Variants in NAGS observed in about 807,000 individuals in gnomAD.
NAGS encodes N-acetylglutamate synthase, mitochondrial.
In NAGS, 34 loss-of-function variants were observed where a neutral mutation model predicts 46.9. The observed-to-expected ratio is 0.72, with a 90% CI of 0.55 to 0.97. The LOEUF (loss-of-function observed/expected upper bound fraction) is 0.97, where lower values mean the gene tolerates loss of function less well. Among genes scored for constraint, NAGS ranks in the 50% least tolerant of loss-of-function variants. The pLI, the probability that NAGS is intolerant of heterozygous loss-of-function variation, is 0.00. For missense variants in NAGS, 665 were observed against 747.0 expected (o/e 0.89, Z 1.28); for synonymous variants, 334 against 346.3 (o/e 0.96, Z 0.39).
At position 44,007,121 on chromosome 17, in the gene NAGS, C is replaced by CT; in HGVS notation, c.1097-200dup. On this transcript the variant is annotated intron_variant, in intron 4 of 6. Transcript: ENST00000293404. This position sits in a 1 kb window ranked among gnomAD's most constrained non-coding sequence, Gnocchi z 5.1. ...GTGGGGCTCCAGGCGACAGGAGGAA[C>CT]TTGGGGCACAATCTCTGCCTGGGGA... 1 of 620,434 alleles carries CT rather than the reference C, an allele frequency of 1.6e-6. No homozygotes were observed. The highest frequency in any genetic ancestry group is 2.8e-6 in the Non-Finnish European group (1 of 357,556). The allele number at this position is 620,434 out of a possible 1,614,324, so 38.4% of individuals were successfully genotyped here.
rs774481281 is a variant in NAGS at position 44,005,591 on chromosome 17, C to T, written c.427-46C>T. 1.9e-6 allele frequency: 3 copies of T among 1,592,842 alleles called. No homozygotes were observed. The highest frequency in any genetic ancestry group is 1.1e-5 in the South Asian group (1 of 87,822). On this transcript the variant is annotated intron_variant, in intron 1 of 6. Transcript: ENST00000293404. The surrounding 1 kb of genome is among the most constrained non-coding windows in gnomAD (Gnocchi z 7.2). ...CTGCAGGCCAGGCTGTGGGAGCCAG[C>T]GGCTCAGGTCCGTGTCACGCTCCTT...
Position 44,008,796 on chromosome 17 carries a change from G to A in NAGS, c.*195G>A. On this transcript the variant is annotated 3_prime_UTR_variant, in exon 7 of 7. Transcript: ENST00000293404. ...ACAAGCACAGGAAAGAAGGGGACCA[G>A]TCTAGGACCCCAACTCGACTCACTC... The A allele has an allele frequency of 1.4e-6, 1 of 706,188 alleles. No homozygotes were observed. The highest frequency in any genetic ancestry group is 2.4e-6 in the Non-Finnish European group (1 of 415,804). 43.7% of individuals were successfully genotyped at this position (706,188 alleles called of 1,614,324 possible).
At position 44,005,561 on chromosome 17, in the gene NAGS, C is replaced by A. The variant is rs2049074536; in HGVS notation, c.427-76C>A. The A allele has an allele frequency of 1.3e-6, 2 of 1,551,428 alleles. No homozygotes were observed. The highest frequency in any genetic ancestry group is 2.7e-5 in the African/African-American group (2 of 73,482). On this transcript the variant is annotated intron_variant, in intron 1 of 6. Transcript: ENST00000293404. This position sits in a 1 kb window ranked among gnomAD's most constrained non-coding sequence, Gnocchi z 7.2. The stretch of plus-strand genomic sequence containing the variant: ...TTCTGGAAGGGTAGGGTCACCGAGA[C>A]GGCCCTGCAGGCCAGGCTGTGGGAG...
In NAGS at chr17:44,006,737, G is replaced by A; in HGVS notation, c.1096+28G>A. 4 of 1,575,640 alleles carry A rather than the reference G, an allele frequency of 2.5e-6. No individual in the cohort carries two copies. Among genetic ancestry groups the A allele is most frequent in the Non-Finnish European group, 3.5e-6 (4 of 1,157,948 alleles). On this transcript the variant is annotated intron_variant, in intron 4 of 6. Transcript: ENST00000293404. The surrounding 1 kb of genome is among the most constrained non-coding windows in gnomAD (Gnocchi z 4.8). ...GAGGGCGGTGGGCGGGCCGGGGACT[G>A]GGTCCCGGGAGTGAGTACTGGCCGG... is the stretch of plus-strand genomic sequence containing the variant.
At position 44,004,639 on chromosome 17, in the gene NAGS, T is replaced by TG. The variant is rs749394724; in HGVS notation, c.-19dup. The TG allele has an allele frequency of 3.3e-6, 5 of 1,503,032 alleles. No individual in the cohort carries two copies. The highest frequency in any genetic ancestry group is 1.3e-5 in the South Asian group (1 of 74,124). The allele number at this position is 1,503,032 out of a possible 1,614,324, so 93.1% of individuals were successfully genotyped here. Reference sequence around the variant, plus strand: ...GACGCTCCAGACAGACTGCCACTCTTGGGGGGCAAGAGTTGGTTGTCGTCA... The same window carrying TG: ...GACGCTCCAGACAGACTGCCACTCTTGGGGGGGCAAGAGTTGGTTGTCGTCA... On this transcript the variant is annotated 5_prime_UTR_variant, in exon 1 of 7. Coordinates refer to ENST00000293404, the MANE Select transcript of NAGS (RefSeq NM_153006.3).
chr17:44,006,214 G>A lies in NAGS; in HGVS notation c.892G>A (p.Gly298Ser), dbSNP rs1194907375. 6.2e-7 allele frequency: 1 copy of A among 1,613,270 alleles called. No homozygotes were observed. Residue 298 changes from glycine (G) to serine (S), a missense_variant, in exon 3 of 7, where the codon GGC (glycine) becomes AGC (serine). Transcript: ENST00000293404. The surrounding 1 kb of genome is among the most constrained non-coding windows in gnomAD (Gnocchi z 4.8). ...AATCATCTTCCTCAATAACACAGGC[G>A]GCCTGCGCGACAGCAGTCATAAGGT... ...TKIIFLNNTGGLRDSSHKVLS... is the reference protein window; with the variant it reads ...TKIIFLNNTGSLRDSSHKVLS...
chr17:44,005,013 C>T lies in NAGS; in HGVS notation c.350C>T (p.Pro117Leu), dbSNP rs767257841. The T allele has an allele frequency of 3.9e-5, 61 of 1,559,768 alleles. No individual in the cohort carries two copies. The highest frequency in any genetic ancestry group is 5.2e-5 in the Non-Finnish European group (60 of 1,158,522). Reference protein sequence around the residue: ...QAFLNQCGASPGEARHWLTQF... With the variant: ...QAFLNQCGASLGEARHWLTQF... ...TTCCTGAACCAGTGCGGGGCCAGCCCTGGGGAGGCGCGCCACTGGCTCACG... is the reference window on the plus strand; with the variant it reads ...TTCCTGAACCAGTGCGGGGCCAGCCTTGGGGAGGCGCGCCACTGGCTCACG... The change falls in exon 1 of 7, where the codon CCT becomes CTT. Residue 117 changes from proline to leucine, a missense_variant. By Grantham distance (98) the Pro-to-Leu change is moderately conservative (BLOSUM62 -3). Coordinates refer to ENST00000293404, the MANE Select transcript of NAGS (RefSeq NM_153006.3). The surrounding 1 kb of genome is among the most constrained non-coding windows in gnomAD (Gnocchi z 7.2).
At position 44,005,412 on chromosome 17, in the gene NAGS, G is replaced by A. The variant is rs1042982123; in HGVS notation, c.427-225G>A. 1.3e-5 allele frequency among the ~76,000 whole-genome samples: 2 copies of A among 152,194 alleles called. No homozygotes were observed. The highest frequency in any genetic ancestry group is 4.8e-5 in the African/African-American group (2 of 41,444). ...ACTGCCCCTCCCCCAAAGATGTCCC[G>A]GAGTCCAAGGTCGGAGGGAGGAGGG... On this transcript the variant is annotated intron_variant, in intron 1 of 6. Coordinates refer to ENST00000293404, the MANE Select transcript of NAGS (RefSeq NM_153006.3). The surrounding 1 kb of genome is among the most constrained non-coding windows in gnomAD (Gnocchi z 7.2).
In NAGS at chr17:44,006,993, A is replaced by C; in HGVS notation, c.1096+284A>C. On this transcript the variant is annotated intron_variant, in intron 4 of 6. Transcript: ENST00000293404. The surrounding 1 kb of genome is among the most constrained non-coding windows in gnomAD (Gnocchi z 4.8). ...GGGCGGGGCCAGGGGCGGGACCATAAGGGAGGTGTTCGACCGGGAGAGATG... is the reference window on the plus strand; with the variant it reads ...GGGCGGGGCCAGGGGCGGGACCATACGGGAGGTGTTCGACCGGGAGAGATG... 3 of 388,272 alleles carry C rather than the reference A, an allele frequency of 7.7e-6. No homozygotes were observed. The highest frequency in any genetic ancestry group is 4.4e-5 in the Admixed American group (1 of 22,756). The allele number at this position is 388,272 out of a possible 1,614,324, so 24.1% of individuals were successfully genotyped here. A position where few individuals can be genotyped will look rare whatever the true frequency, so the allele number is the denominator to read the frequency against.
At chr17:44,008,096 C>A (rs578068680) in intron 6 of NAGS, among the ~76,000 whole-genome samples, 1 of 152,290 alleles carries the variant, frequency 6.6e-6, no homozygotes, top group African/African-American at 2.4e-5. Flanking sequence ...TCAGTAACTA[C>A]CCCCTCACCC....
Position 44,007,109 on chromosome 17 carries a change from C to T in NAGS, c.1097-214C>T. 1 of 607,882 alleles carries T rather than the reference C, an allele frequency of 1.6e-6. No homozygotes were observed. The highest frequency in any genetic ancestry group is 2.9e-6 in the Non-Finnish European group (1 of 346,864). 37.7% of individuals were successfully genotyped at this position (607,882 alleles called of 1,614,324 possible). A position where few individuals can be genotyped will look rare whatever the true frequency, so the allele number is the denominator to read the frequency against. On this transcript the variant is annotated intron_variant, in intron 4 of 6. Transcript: ENST00000293404. The surrounding 1 kb of genome is among the most constrained non-coding windows in gnomAD (Gnocchi z 5.1). ...TAACGGAAGTGGGTGGGGCTCCAGG[C>T]GACAGGAGGAACTTGGGGCACAATC...
Position 44,007,216 on chromosome 17 carries a change from C to A in NAGS, c.1097-107C>A. ...ACTGAAATCATTTCACTGTGGAGGT[C>A]TCCCAAAGACGGAAATTGTCCCACC... is the stretch of plus-strand genomic sequence containing the variant. On this transcript the variant is annotated intron_variant, in intron 4 of 6. Transcript: ENST00000293404. This position sits in a 1 kb window ranked among gnomAD's most constrained non-coding sequence, Gnocchi z 5.1. The A allele has an allele frequency of 9.8e-7, 1 of 1,016,852 alleles. No individual in the cohort carries two copies. Among genetic ancestry groups the A allele is most frequent in the Non-Finnish European group, 1.5e-6 (1 of 688,048 alleles). 63.0% of individuals were successfully genotyped at this position (1,016,852 alleles called of 1,614,324 possible).
Position 44,007,197 on chromosome 17 carries a change from A to G in NAGS, c.1097-126A>G, listed in dbSNP as rs139911348. 2.8e-4 allele frequency: 234 copies of G among 822,700 alleles called. No individual in the cohort carries two copies. The East Asian group carries it at 5.7e-3, about 20-fold the overall frequency. The allele number at this position is 822,700 out of a possible 1,614,324, so 51.0% of individuals were successfully genotyped here. A position where few individuals can be genotyped will look rare whatever the true frequency, so the allele number is the denominator to read the frequency against. The stretch of plus-strand genomic sequence containing the variant: ...AGACAAATCTATGCAGACCACTGAA[A>G]TCATTTCACTGTGGAGGTCTCCCAA... On this transcript the variant is annotated intron_variant, in intron 4 of 6. Coordinates refer to ENST00000293404, the MANE Select transcript of NAGS (RefSeq NM_153006.3). This position sits in a 1 kb window ranked among gnomAD's most constrained non-coding sequence, Gnocchi z 5.1.
rs1282144377 is a variant in NAGS, at chr17:44,008,798, C to T, written c.*197C>T. The T allele has an allele frequency of 2.9e-6, 2 of 700,498 alleles. No homozygotes were observed. Among genetic ancestry groups the T allele is most frequent in the East Asian group, 5.4e-5 (2 of 36,866 alleles). The allele number at this position is 700,498 out of a possible 1,614,324, so 43.4% of individuals were successfully genotyped here. A position where few individuals can be genotyped will look rare whatever the true frequency, so the allele number is the denominator to read the frequency against. The stretch of plus-strand genomic sequence containing the variant: ...AAGCACAGGAAAGAAGGGGACCAGT[C>T]TAGGACCCCAACTCGACTCACTCTA... On this transcript the variant is annotated 3_prime_UTR_variant, in exon 7 of 7. Transcript: ENST00000293404.
Position 44,006,269 on chromosome 17 carries a change from C to T in NAGS, c.915+32C>T. ...CCCTTTCTTTCACCTTCCCCCACGC[C>T]GGCGATCCGGGCCTTCTCTTGCGCC... On this transcript the variant is annotated intron_variant, in intron 3 of 6. Coordinates refer to ENST00000293404, the MANE Select transcript of NAGS (RefSeq NM_153006.3). This position sits in a 1 kb window ranked among gnomAD's most constrained non-coding sequence, Gnocchi z 4.8. 1 of 1,606,282 alleles carries T rather than the reference C, an allele frequency of 6.2e-7. No individual in the cohort carries two copies. The highest frequency in any genetic ancestry group is 1.3e-5 in the African/African-American group (1 of 74,938).
At position 44,007,442 on chromosome 17, in the gene NAGS, G is replaced by A. The variant is rs140481641; in HGVS notation, c.1216G>A (p.Asp406Asn). Residue 406 changes from aspartate (D) to asparagine (N), a missense_variant, in exon 5 of 7, where the codon GAC (aspartate) becomes AAC (asparagine). Transcript: ENST00000293404. This position sits in a 1 kb window ranked among gnomAD's most constrained non-coding sequence, Gnocchi z 5.1. ...CAGCTTCGGCAAGAAGCTCAGGGACGACTACCTGGCCTCGCTGCGCCCGCG... is the reference window on the plus strand; with the variant it reads ...CAGCTTCGGCAAGAAGCTCAGGGACAACTACCTGGCCTCGCTGCGCCCGCG... ...NASFGKKLRDDYLASLRPRLH... is the reference protein window; with the variant it reads ...NASFGKKLRDNYLASLRPRLH... The A allele has an allele frequency of 8.2e-4, 1,325 of 1,613,886 alleles. 3 individuals are homozygous for A. The highest frequency in any genetic ancestry group is 1.6e-3 in the Admixed American group (99 of 60,026).
chr17:44,006,308 C>T lies in NAGS; in HGVS notation c.915+71C>T. 6.4e-7 allele frequency: 1 copy of T among 1,557,132 alleles called. No individual in the cohort carries two copies. Among genetic ancestry groups the T allele is most frequent in the Non-Finnish European group, 8.7e-7 (1 of 1,144,928 alleles). On this transcript the variant is annotated intron_variant, in intron 3 of 6. Coordinates refer to ENST00000293404, the MANE Select transcript of NAGS (RefSeq NM_153006.3). This position sits in a 1 kb window ranked among gnomAD's most constrained non-coding sequence, Gnocchi z 4.8. Reference sequence around the variant, plus strand: ...TTCTCTTGCGCCCCTCGCACTTCTCCCCGACGGGCCGCAGACTCACTAGCA... The same window carrying T: ...TTCTCTTGCGCCCCTCGCACTTCTCTCCGACGGGCCGCAGACTCACTAGCA...
Position 44,005,843 on chromosome 17 carries a change from C to G in NAGS, c.633C>G (p.Ala211=). 6.4e-7 allele frequency: 1 copy of G among 1,564,332 alleles called. No homozygotes were observed. The highest frequency in any genetic ancestry group is 1.2e-5 in the South Asian group (1 of 85,268). ...KVLVDALRHN[A]AAAVPFFGGG... ...TGGTAGACGCGCTTCGACACAACGC[C>G]GCCGCTGCTGTGCCATTTTTTGGCG... is the stretch of plus-strand genomic sequence containing the variant. Residue 211 remains alanine (A), a synonymous_variant, in exon 2 of 7, where the codon GCC becomes GCG. Coordinates refer to ENST00000293404, the MANE Select transcript of NAGS (RefSeq NM_153006.3). The surrounding 1 kb of genome is among the most constrained non-coding windows in gnomAD (Gnocchi z 7.2).
chr17:44,008,464 G>A lies in NAGS; in HGVS notation c.1468G>A (p.Asp490Asn), dbSNP rs2143993226. 6.2e-7 allele frequency: 1 copy of A among 1,614,270 alleles called. No individual in the cohort carries two copies. The highest frequency in any genetic ancestry group is 2.2e-5 in the East Asian group (1 of 44,888). ...PINPWYFKHS[D>N]GSFSNKQWIF... The stretch of plus-strand genomic sequence containing the variant: ...CACACCCAGGTACTTCAAACACAGT[G>A]ATGGCAGCTTCTCCAACAAGCAGTG... Residue 490 changes from aspartate to asparagine, a missense_variant, in exon 7 of 7, where the codon GAT (aspartate) becomes AAT (asparagine). Physicochemically the swap from Asp to Asn is conservative, Grantham distance 23 (BLOSUM62 1). Coordinates refer to ENST00000293404, the MANE Select transcript of NAGS (RefSeq NM_153006.3).
Sources: gnomAD v4.1 joint callset for allele counts (sites outside exome capture counted in the v4.1 genomes callset) on GRCh38, gnomAD v4.1.1 for gene constraint, Gnocchi (gnomAD v3.1) non-coding constraint, MANE v1.5 for transcripts, NCBI Gene and HGNC (gene_info 2026-07-23, HGNC 2026-07-21) for gene names.